Variants in SLC35F4 observed in about 807,000 individuals in gnomAD.
SLC35F4 encodes chromosome 14 open reading frame 36.
A neutral mutation model predicts 44.2 loss-of-function variants in SLC35F4; 24 were observed. The ratio of observed to expected loss-of-function variants is 0.54; its 90% confidence interval spans 0.39 to 0.76. The LOEUF (loss-of-function observed/expected upper bound fraction) is 0.76. Among genes scored for constraint, SLC35F4 ranks in the 30% least tolerant of loss-of-function variants. The pLI is 0.00. For synonymous variants in SLC35F4, 238 were observed against 223.6 expected, an observed-to-expected ratio of 1.06 and a Z score of -0.57; for missense variants, 562 against 586.1, an observed-to-expected ratio of 0.96 and a Z score of 0.42.
chr14:57,625,258 C>T (rs1339070197), intron 1 of SLC35F4, among the ~76,000 whole-genome samples: 1 of 152,010 alleles, frequency 6.6e-6, no homozygotes, highest in Non-Finnish European at 1.5e-5. Flanking sequence ...TGTGAAGGAC[C>T]TCTTCAAGGA....
At chr14:57,688,472 T>C (rs890671633) in intron 1 of SLC35F4, among the ~76,000 whole-genome samples, 1 of 152,186 alleles carries the variant, frequency 6.6e-6, no homozygotes, top group African/African-American at 2.4e-5. Context: ...ATTATTTTGA[T>C]GAGATTATGG....
At chr14:57,830,577 T>C (rs576254928) in intron 1 of SLC35F4, among the ~76,000 whole-genome samples, 1 of 152,300 alleles carries the variant, frequency 6.6e-6, no homozygotes, top group Admixed American at 6.5e-5. Context: ...GCAAAGTGAT[T>C]GGAAACTCAC....
intron 1 of SLC35F4, among the ~76,000 whole-genome samples, chr14:57,847,161 AC>A (rs1886100565): frequency 6.6e-6 from 1 of 152,232 alleles, no homozygotes; most frequent in Non-Finnish European, 1.5e-5. Flanking sequence ...TAGGTAAAGA[AC>A]CAGATAGTTT....
chr14:57,820,270 C>G (rs2140908645), intron 1 of SLC35F4, among the ~76,000 whole-genome samples: 1 of 152,198 alleles, frequency 6.6e-6, no homozygotes, highest in South Asian at 2.1e-4. Flanking sequence ...CTGTTCAGCC[C>G]AAATGTAAAC....
intron 1 of SLC35F4, among the ~76,000 whole-genome samples, chr14:57,848,619 A>G (rs777343434): frequency 9.9e-5 from 15 of 152,194 alleles, no homozygotes; most frequent in Non-Finnish European, 1.5e-4. Flanking sequence ...GCATTTCCAC[A>G]TATCATGTGC....
At chr14:57,916,456 G>A (rs1449950194) in intron 1 of SLC35F4, among the ~76,000 whole-genome samples, 1 of 152,076 alleles carries the variant, frequency 6.6e-6, no homozygotes, top group South Asian at 2.1e-4. Flanking sequence ...CCAAGTGTAG[G>A]ATCTTTTTGG....
chr14:57,583,339 G>A (rs2069436377), intron 3 of SLC35F4, among the ~76,000 whole-genome samples: 1 of 141,880 alleles, frequency 7.0e-6, no homozygotes, highest in Admixed American at 7.0e-5. Context: ...GAGAGTCGTG[G>A]GTTTATCCCA....
intron 1 of SLC35F4, among the ~76,000 whole-genome samples, chr14:57,738,748 CATATATATATATATATAT>C (rs36212594): frequency 0.28 from 30,705 of 110,392 alleles, 3,753 homozygotes; most frequent in South Asian, 0.34. Flanking sequence ...TTTGAATTTT[CATATATATATATATATAT>C]ATATATATAT....
intron 1 of SLC35F4, among the ~76,000 whole-genome samples, chr14:57,604,438 G>A (rs2071028757): frequency 6.6e-6 from 1 of 152,100 alleles, no homozygotes; most frequent in African/African-American, 2.4e-5. Context: ...ATAAAACACT[G>A]CTGAAAGAAA....
intron 1 of SLC35F4, among the ~76,000 whole-genome samples, chr14:57,754,802 G>A (rs1166082879): frequency 2.6e-5 from 4 of 152,202 alleles, no homozygotes; most frequent in African/African-American, 9.7e-5. Context: ...TCTGGTCAGA[G>A]GAAACCAGGA....
At chr14:57,612,661 T>C (rs1266296973) in intron 1 of SLC35F4, among the ~76,000 whole-genome samples, 2 of 152,234 alleles carry the variant, frequency 1.3e-5, no homozygotes, top group African/African-American at 4.8e-5. Context: ...TTTGTTGAGC[T>C]CACTGACCCT....
intron 1 of SLC35F4, among the ~76,000 whole-genome samples, chr14:57,856,998 G>A (rs944224944): frequency 5.3e-5 from 8 of 151,990 alleles, no homozygotes; most frequent in South Asian, 2.1e-4. Flanking sequence ...TTCCTTGGCC[G>A]GGCACGGTGG....
At chr14:57,627,868 G>C (rs570205570) in intron 1 of SLC35F4, among the ~76,000 whole-genome samples, 2 of 151,896 alleles carry the variant, frequency 1.3e-5, no homozygotes, top group East Asian at 3.9e-4. Flanking sequence ...CAATGTCTCC[G>C]AGTCAAAAGG....
chr14:57,835,443 C>T (rs1271906386), intron 1 of SLC35F4, among the ~76,000 whole-genome samples: 1 of 152,216 alleles, frequency 6.6e-6, no homozygotes, highest in African/African-American at 2.4e-5. Context: ...ACTCTCCCAA[C>T]CCCCAAGACT....
intron 1 of SLC35F4, among the ~76,000 whole-genome samples, chr14:57,928,585 G>A (rs924138728): frequency 2.6e-5 from 4 of 152,194 alleles, no homozygotes; most frequent in Admixed American, 1.3e-4. Flanking sequence ...TGTGGTGTGC[G>A]ATAAAGCTAG....
At chr14:57,745,705 A>G (rs1436993841) in intron 1 of SLC35F4, among the ~76,000 whole-genome samples, 1 of 152,178 alleles carries the variant, frequency 6.6e-6, no homozygotes, top group East Asian at 1.9e-4. Flanking sequence ...AACTAGAAAT[A>G]CCATTTGACC....
chr14:57,582,740 G>A (rs2069378587), intron 3 of SLC35F4, among the ~76,000 whole-genome samples: 1 of 152,158 alleles, frequency 6.6e-6, no homozygotes, highest in African/African-American at 2.4e-5. Context: ...CTATTTACAG[G>A]ACTCTAGTAC....
At chr14:57,766,164 C>T (rs2077229763) in intron 1 of SLC35F4, among the ~76,000 whole-genome samples, 1 of 152,174 alleles carries the variant, frequency 6.6e-6, no homozygotes, top group African/African-American at 2.4e-5. Flanking sequence ...CCATCCTACT[C>T]ACTACTCATC....
At chr14:57,892,181 C>T (rs1888783875) in intron 1 of SLC35F4, among the ~76,000 whole-genome samples, 1 of 152,142 alleles carries the variant, frequency 6.6e-6, no homozygotes. Flanking sequence ...CACTTCTAGT[C>T]AATGAGGAAT....
Sources: gnomAD v4.1 joint callset for allele counts (sites outside exome capture counted in the v4.1 genomes callset) on GRCh38, gnomAD v4.1.1 for gene constraint, MANE v1.5 for transcripts, NCBI Gene and HGNC (gene_info 2026-07-23, HGNC 2026-07-21) for gene names.